Variants in MTMR3 observed in about 807,000 individuals in gnomAD.
The protein encoded by MTMR3 is phosphatidylinositol-3,5-bisphosphate 3-phosphatase MTMR3.
A neutral mutation model predicts 132.4 loss-of-function variants in MTMR3; 32 were observed. The observed-to-expected ratio is 0.24, with a 90% CI of 0.18 to 0.32. MTMR3 has a LOEUF of 0.32. MTMR3 is among the 10% of genes least tolerant of loss of function. The pLI, the probability that MTMR3 is intolerant of heterozygous loss-of-function variation, is 1.00. For synonymous variants in MTMR3, 556 were observed against 550.3 expected (o/e 1.01, Z -0.14); for missense variants, 1,216 against 1,489.6 (o/e 0.82, Z 3.02).
intron 2 of MTMR3, among the ~76,000 whole-genome samples, chr22:29,959,754 T>G (rs2145849131): frequency 6.9e-6 from 1 of 145,338 alleles, no homozygotes; most frequent in South Asian, 2.2e-4. Flanking sequence ...TTTGTAAAAG[T>G]GTTAATTTTT....
chr22:29,940,378 C>T lies in MTMR3; in HGVS notation c.-137-16658C>T, dbSNP rs1211076800. ...TCCTAATTCCACTGCCTATCCCAAA[C>T]CTGTAAGAACTAATGATAATCCTAC... On this transcript the variant is annotated intron_variant, in intron 1 of 19. Transcript: ENST00000401950. Among the ~76,000 whole-genome samples, 2 of 139,968 alleles carry T rather than the reference C, an allele frequency of 1.4e-5. 1 individual carries two copies. Among genetic ancestry groups the T allele is most frequent in the Non-Finnish European group, 2.9e-5 (2 of 67,946 alleles). The allele number at this position is 139,968 out of a possible 152,430, so 91.8% of individuals were successfully genotyped here. A position where few individuals can be genotyped will look rare whatever the true frequency, so the allele number is the denominator to read the frequency against.
chr22:29,896,314 A>G (rs1007032074), intron 1 of MTMR3, among the ~76,000 whole-genome samples: 2 of 152,142 alleles, frequency 1.3e-5, no homozygotes, highest in East Asian at 1.9e-4. Context: ...CATCTCAAAA[A>G]CAAACAAACA....
At chr22:29,963,483 G>A (rs896334122) in intron 2 of MTMR3, among the ~76,000 whole-genome samples, 2 of 149,778 alleles carry the variant, frequency 1.3e-5, no homozygotes, top group Admixed American at 6.7e-5. Flanking sequence ...TCTGTCTCTC[G>A]GGTTCAAGTG....
chr22:29,942,610 C>T (rs983616094), intron 1 of MTMR3, among the ~76,000 whole-genome samples: 1 of 152,184 alleles, frequency 6.6e-6, no homozygotes, highest in African/African-American at 2.4e-5. Context: ...GATAGCCGTC[C>T]CCAAAGCGGC....
intron 1 of MTMR3, among the ~76,000 whole-genome samples, chr22:29,920,923 T>G (rs970416689): frequency 6.9e-6 from 1 of 145,922 alleles, no homozygotes. Flanking sequence ...TTTAAAAAGC[T>G]TACACATCTA....
At chr22:30,008,131 A>C in intron 11 of MTMR3, 99 bp downstream of exon 11, 1 of 1,480,028 alleles carries the variant, frequency 6.8e-7, no homozygotes, top group South Asian at 1.3e-5. Flanking sequence ...GTGGCAAGCC[A>C]TATTCCTCAT....
intron 1 of MTMR3, among the ~76,000 whole-genome samples, chr22:29,944,956 C>T (rs192988992): frequency 6.6e-6 from 1 of 152,248 alleles, no homozygotes; most frequent in East Asian, 1.9e-4. Context: ...ATAATAATAG[C>T]AGATTTCTCC....
chr22:29,952,383 G>A (rs919003978), intron 1 of MTMR3, among the ~76,000 whole-genome samples: 2 of 150,548 alleles, frequency 1.3e-5, no homozygotes, highest in African/African-American at 4.9e-5. Flanking sequence ...AGATAGAAAA[G>A]ACACATAGCT....
intron 7 of MTMR3, chr22:29,995,133 C>T (rs768206616): frequency 1.3e-5 from 2 of 152,226 alleles, no homozygotes; most frequent in Non-Finnish European, 2.9e-5. Flanking sequence ...GTCCCTTAAG[C>T]CCATCTTGTT....
In MTMR3 at chr22:29,933,733, G is replaced by GTTTTTT. The variant is rs758195736; in HGVS notation, c.-137-23289_-137-23284dup. 3.6e-3 allele frequency among the ~76,000 whole-genome samples: 446 copies of GTTTTTT among 124,076 alleles called. 3 individuals are homozygous for GTTTTTT. Among genetic ancestry groups the GTTTTTT allele is most frequent in the African/African-American group, 0.012 (418 of 33,726 alleles). The allele number at this position is 124,076 out of a possible 152,430, so 81.4% of individuals were successfully genotyped here. ...TGTAAACCCAACAGAGCAGTTCTGTGTTTTTTTTTTTTTTTTTTTAGGAGA... is the reference window on the plus strand; with the variant it reads ...TGTAAACCCAACAGAGCAGTTCTGTGTTTTTTTTTTTTTTTTTTTTTTTTTAGGAGA... On this transcript the variant is annotated intron_variant, in intron 1 of 19. Transcript: ENST00000401950.
intron 3 of MTMR3, among the ~76,000 whole-genome samples, chr22:29,977,866 G>C (rs533509145): frequency 6.6e-6 from 1 of 152,304 alleles, no homozygotes; most frequent in South Asian, 2.1e-4. Context: ...GTAGTGTGGG[G>C]CTGGGCACAG....
rs112732759 is a variant in MTMR3 at position 30,016,222 on chromosome 22, T to G, written c.1504-306T>G. On this transcript the variant is annotated intron_variant, in intron 14 of 19. Coordinates refer to ENST00000401950, the MANE Select transcript of MTMR3 (RefSeq NM_021090.4). ...CTCAGACTTGAGTTGTACACTGACG[T>G]GCTCCTGCACCCAGTTCATATGCTG... The G allele has an allele frequency of 2.7e-3, 788 of 295,796 alleles. 6 individuals are homozygous for G. The highest frequency in any genetic ancestry group is 0.015 in the African/African-American group (712 of 46,766). 18.3% of individuals were successfully genotyped at this position (295,796 alleles called of 1,614,324 possible).
At chr22:29,905,081 T>C (rs2065070508) in intron 1 of MTMR3, among the ~76,000 whole-genome samples, 2 of 152,144 alleles carry the variant, frequency 1.3e-5, no homozygotes, top group African/African-American at 2.4e-5. Flanking sequence ...TTATCATACA[T>C]TTTTCATTTT....
chr22:30,012,504 AC>A lies in MTMR3; in HGVS notation c.1264del (p.Gln422ArgfsTer17), dbSNP rs1569049307. On this transcript the variant is annotated frameshift_variant, in exon 13 of 20. Coordinates refer to ENST00000401950, the MANE Select transcript of MTMR3 (RefSeq NM_021090.4). LOFTEE classifies it high-confidence loss of function. ...ACACTGCTCAGATGGCTGGGACCGC[AC>A]CCCCCAGATTGTGGCATTGGCTAAG... is the stretch of plus-strand genomic sequence containing the variant. ...LVHCSDGWDR[T>X]PQIVALAKLL... 6.2e-7 allele frequency: 1 copy of A among 1,613,608 alleles called. No homozygotes were observed. The highest frequency in any genetic ancestry group is 8.5e-7 in the Non-Finnish European group (1 of 1,179,932).
intron 3 of MTMR3, among the ~76,000 whole-genome samples, chr22:29,974,976 CTT>C (rs565827849): frequency 1.3e-5 from 2 of 152,190 alleles, no homozygotes; most frequent in South Asian, 2.1e-4. Flanking sequence ...CATTTGGTCT[CTT>C]TTTTTGGAGA....
At chr22:29,974,271 C>T (rs1224909961) in intron 3 of MTMR3, among the ~76,000 whole-genome samples, 1 of 152,168 alleles carries the variant, frequency 6.6e-6, no homozygotes, top group East Asian at 1.9e-4. Context: ...TTTGGCCTTC[C>T]TCACCTATGA....
Position 30,026,097 on chromosome 22 carries a change from C to T in MTMR3, c.*296C>T. 3.2e-6 allele frequency: 1 copy of T among 310,640 alleles called. No homozygotes were observed. The highest frequency in any genetic ancestry group is 4.4e-5 in the Admixed American group (1 of 22,582). The allele number at this position is 310,640 out of a possible 1,614,324, so 19.2% of individuals were successfully genotyped here. A position where few individuals can be genotyped will look rare whatever the true frequency, so the allele number is the denominator to read the frequency against. On this transcript the variant is annotated 3_prime_UTR_variant, in exon 20 of 20. Coordinates refer to ENST00000401950, the MANE Select transcript of MTMR3 (RefSeq NM_021090.4). ...CCAAGGGTTGCCAGGCCCACTGTAA[C>T]TGCCGAGCTGCCTGCTGTCACGTGA...
At chr22:29,988,447 G>T in intron 5 of MTMR3, 33 bp from the exon 6 acceptor site, 2 of 1,539,700 alleles carry the variant, frequency 1.3e-6, no homozygotes, top group South Asian at 2.3e-5. Flanking sequence ...ATGCCTTTTT[G>T]ACTAAGAGGA....
chr22:29,957,150 T>G (rs1602562890), intron 2 of MTMR3, 62 bp downstream of exon 2: 1 of 151,802 alleles, frequency 6.6e-6, no homozygotes, highest in Non-Finnish European at 1.5e-5. Context: ...CTGTGCTGTT[T>G]CGAGGCAAGG....
Sources: gnomAD v4.1 joint callset for allele counts (sites outside exome capture counted in the v4.1 genomes callset) on GRCh38, gnomAD v4.1.1 for gene constraint, MANE v1.5 for transcripts, NCBI Gene and HGNC (gene_info 2026-07-23, HGNC 2026-07-21) for gene names.